Variants in ZBTB37 observed in about 807,000 individuals in gnomAD.
The protein encoded by ZBTB37 is zinc finger and BTB domain containing 37, also known as zinc finger and BTB domain-containing protein 37.
A neutral mutation model predicts 37.7 loss-of-function variants in ZBTB37; 15 were observed. That is an observed-to-expected ratio of 0.40 (90% CI 0.27 to 0.61). The LOEUF (loss-of-function observed/expected upper bound fraction) is 0.61, where lower values mean the gene tolerates loss of function less well. Ranked by LOEUF, ZBTB37 falls within the 20% of genes least tolerant of loss-of-function variation. The pLI is 0.44. For missense variants in ZBTB37, 514 were observed against 641.9 expected, an observed-to-expected ratio of 0.80 and a Z score of 2.15; for synonymous variants, 231 against 220.6, an observed-to-expected ratio of 1.05 and a Z score of -0.42.
At chr1:173,901,294 A>G (rs956438410) in exon 4 of ZBTB37, 13 of 152,184 alleles carry the variant, frequency 8.5e-5, no homozygotes, top group African/African-American at 1.4e-4. Flanking sequence ...TTCATCTGCT[A>G]TGATCTCTGT....
chr1:173,902,093 A>G (rs771276947), exon 4 of ZBTB37: 1 of 152,194 alleles, frequency 6.6e-6, no homozygotes, highest in Non-Finnish European at 1.5e-5. Context: ...TTACTTCTCT[A>G]TGGGAAACTC....
chr1:173,881,002 C>T (rs142615264), intron 4 of ZBTB37, among the ~76,000 whole-genome samples: 39 of 151,248 alleles, frequency 2.6e-4, no homozygotes, highest in African/African-American at 8.8e-4. Flanking sequence ...ATGTGCACAA[C>T]GTGCAGGTTT....
chr1:173,873,509 C>G (rs750293251), exon 4 of ZBTB37: 1 of 1,613,838 alleles, frequency 6.2e-7, no homozygotes. Flanking sequence ...CAGAGAGACA[C>G]AGAGCCAGAA....
At chr1:173,874,741 A>T (rs1655825028) in intron 4 of ZBTB37, among the ~76,000 whole-genome samples, 1 of 152,180 alleles carries the variant, frequency 6.6e-6, no homozygotes, top group Non-Finnish European at 1.5e-5. Context: ...TGCTACCACC[A>T]CTTCTACCCA....
At chr1:173,899,243 T>C (rs1386651664) in exon 4 of ZBTB37, 4 of 152,210 alleles carry the variant, frequency 2.6e-5, no homozygotes, top group African/African-American at 9.7e-5. Context: ...TAAGCCATGC[T>C]AATATCCTAG....
At chr1:173,886,138 A>T in exon 5 of ZBTB37, 3 of 1,544,302 alleles carry the variant, frequency 1.9e-6, no homozygotes, top group Non-Finnish European at 8.7e-7. Flanking sequence ...ATCCAGGGGG[A>T]GGGGGCTGAC....
chr1:173,876,506 C>T (rs1278839395), intron 4 of ZBTB37, among the ~76,000 whole-genome samples: 1 of 151,956 alleles, frequency 6.6e-6, no homozygotes, highest in African/African-American at 2.4e-5. Context: ...TTAGTAGAGA[C>T]AGGGTTTCAC....
exon 4 of ZBTB37, chr1:173,902,968 CT>C (rs1657327209): frequency 6.6e-6 from 1 of 152,208 alleles, no homozygotes; most frequent in South Asian, 2.1e-4. Flanking sequence ...TGGGGAAAAA[CT>C]ACCTAAGATT....
At chr1:173,870,430 G>C (rs1292692802) in exon 3 of ZBTB37, 1 of 1,614,178 alleles carries the variant, frequency 6.2e-7, no homozygotes, top group Non-Finnish European at 8.5e-7. Context: ...GATGAGTACA[G>C]TCTCCATTTC....
chr1:173,883,015 G>A (rs1446311103), intron 4 of ZBTB37, among the ~76,000 whole-genome samples: 2 of 152,156 alleles, frequency 1.3e-5, no homozygotes, highest in Admixed American at 1.3e-4. Context: ...TACAGGTGAG[G>A]AAACTGAGGA....
At chr1:173,901,719 C>G (rs1038512787) in exon 4 of ZBTB37, 2 of 152,152 alleles carry the variant, frequency 1.3e-5, no homozygotes, top group Non-Finnish European at 2.9e-5. Flanking sequence ...GCATTTCTTT[C>G]TAAATGAGTA....
downstream of ZBTB37, chr1:173,888,503 CTGTAAT>C (rs1412597992): frequency 2.4e-4 from 37 of 152,174 alleles, no homozygotes; most frequent in African/African-American, 8.4e-4. Flanking sequence ...TCATAGCTCA[CTGTAAT>C]CTTGAACTCC....
intron 3 of ZBTB37, among the ~76,000 whole-genome samples, chr1:173,872,760 C>T (rs1283021599): frequency 2.0e-5 from 3 of 152,096 alleles, no homozygotes; most frequent in Admixed American, 6.5e-5. Flanking sequence ...GTGATCCCAG[C>T]ACTTTGGGAG....
In ZBTB37 at chr1:173,875,332, T is replaced by TATATA. The variant is rs199857517; in HGVS notation, c.1023+1766_1023+1767insATATA. Among the ~76,000 whole-genome samples, 250 of 81,792 alleles carry TATATA rather than the reference T, an allele frequency of 3.1e-3. 1 individual carries two copies. Among genetic ancestry groups the TATATA allele is most frequent in the East Asian group, 0.015 (42 of 2,800 alleles). The allele number at this position is 81,792 out of a possible 152,430, so 53.7% of individuals were successfully genotyped here. A position where few individuals can be genotyped will look rare whatever the true frequency, so the allele number is the denominator to read the frequency against. ...TATATGTGTGCATATATATATATATTTTTTTTTTTTTTTGAGGCAGTCTTG... is the reference window on the plus strand; with the variant it reads ...TATATGTGTGCATATATATATATATTATATATTTTTTTTTTTTTGAGGCAGTCTTG... On this transcript the variant is annotated intron_variant, in intron 4 of 4. Transcript: ENST00000427304.
At chr1:173,869,889 C>G (rs1444163869) in intron 2 of ZBTB37, among the ~76,000 whole-genome samples, 1 of 152,114 alleles carries the variant, frequency 6.6e-6, no homozygotes, top group Non-Finnish European at 1.5e-5. Flanking sequence ...CTTAAAAGTC[C>G]TTCCCCCTAC....
At chr1:173,888,282 A>G (rs1209277582), downstream of ZBTB37, 1 of 152,222 alleles carries the variant, frequency 6.6e-6, no homozygotes. Flanking sequence ...TTCAGTGGAC[A>G]GATTTTGTCA....
chr1:173,892,708 A>G (rs1372845185), exon 4 of ZBTB37: 2 of 152,150 alleles, frequency 1.3e-5, no homozygotes, highest in Admixed American at 6.5e-5. Context: ...CATTTTTACC[A>G]TTATCAATAT....
At chr1:173,895,701 T>C (rs1572078311) in exon 4 of ZBTB37, 1 of 152,370 alleles carries the variant, frequency 6.6e-6, no homozygotes, top group Middle Eastern at 3.4e-3. Flanking sequence ...CAATTTTATA[T>C]GTTGTTAATC....
chr1:173,902,504 C>T (rs534817676), exon 4 of ZBTB37: 2 of 152,314 alleles, frequency 1.3e-5, no homozygotes, highest in South Asian at 2.1e-4. Context: ...AAAGATGCCT[C>T]GGGAAAGTCA....
Sources: allele counts gnomAD v4.1 joint callset (sites outside exome capture counted in the v4.1 genomes callset), GRCh38; gene constraint gnomAD v4.1.1; transcripts MANE v1.5; gene names NCBI Gene and HGNC (gene_info 2026-07-23, HGNC 2026-07-21).